NDC1: variants seen among roughly 807,000 people sequenced by gnomAD.
NDC1 encodes NDC1 transmembrane nucleoporin.
NDC1 carries 24 observed loss-of-function variants against 89.8 expected under a neutral mutation model. The observed-to-expected ratio is 0.27, with a 90% CI of 0.19 to 0.38. The LOEUF (loss-of-function observed/expected upper bound fraction) is 0.38. Ranked by LOEUF, NDC1 falls within the 10% of genes least tolerant of loss-of-function variation. NDC1 has a pLI of 1.00. For missense variants in NDC1, 728 were observed against 797.6 expected (o/e 0.91, Z 1.05); for synonymous variants, 296 against 284.8 (o/e 1.04, Z -0.39).
chr1:53,803,809 G>T (rs1648007905), intron 10 of NDC1, 119 bp downstream of exon 10: 2 of 714,666 alleles, frequency 2.8e-6, no homozygotes. Context: ...CTGACCTCAT[G>T]ATCCGCCTGC....
At chr1:53,781,540 G>A (rs1647207149) in intron 16 of NDC1, among the ~76,000 whole-genome samples, 1 of 152,096 alleles carries the variant, frequency 6.6e-6, no homozygotes. Flanking sequence ...AGGATGAAAG[G>A]CTCCCCTTCC....
At chr1:53,824,848 C>T (rs1310520983) in intron 5 of NDC1, among the ~76,000 whole-genome samples, 1 of 152,148 alleles carries the variant, frequency 6.6e-6, no homozygotes, top group African/African-American at 2.4e-5. Flanking sequence ...ATTACTTGCA[C>T]ATCCCCAAAC....
At chr1:53,785,479 G>A (rs1370121933) in intron 16 of NDC1, among the ~76,000 whole-genome samples, 1 of 152,194 alleles carries the variant, frequency 6.6e-6, no homozygotes, top group East Asian at 1.9e-4. Context: ...AGTGCTCAAA[G>A]CAAAAGAATC....
intron 14 of NDC1, among the ~76,000 whole-genome samples, chr1:53,789,452 T>C (rs905197495): frequency 6.6e-6 from 1 of 152,256 alleles, no homozygotes; most frequent in South Asian, 2.1e-4. Flanking sequence ...TAAAGTTACA[T>C]ATACTCAACC....
intron 14 of NDC1, among the ~76,000 whole-genome samples, chr1:53,791,609 C>G (rs1347679329): frequency 6.6e-6 from 1 of 152,086 alleles, no homozygotes; most frequent in Non-Finnish European, 1.5e-5. Flanking sequence ...TACTAAGTAC[C>G]ATACAACAAG....
intron 2 of NDC1, among the ~76,000 whole-genome samples, chr1:53,834,485 C>A (rs1649166293): frequency 2.0e-5 from 3 of 152,188 alleles, no homozygotes; most frequent in African/African-American, 4.8e-5. Flanking sequence ...GGTAAAGAGT[C>A]CAACTCCTTG....
chr1:53,835,599 C>A lies in NDC1; in HGVS notation c.79G>T (p.Ala27Ser). ...LWRVLGWRIVASIVWSVLFLP... is the reference protein window; with the variant it reads ...LWRVLGWRIVSSIVWSVLFLP... ...AATAGCACTGACCAAACAATACTTG[C>A]AACTATCCTCCAGCCCAAAACCTAT... is the stretch of plus-strand genomic sequence containing the variant. The change falls in exon 2 of 18, where the codon GCA becomes TCA. Residue 27 changes from alanine (A) to serine (S), a missense_variant. Physicochemically the swap from Ala to Ser is moderately conservative, Grantham distance 99. Coordinates refer to ENST00000371429, the MANE Select transcript of NDC1 (RefSeq NM_018087.5). 6.2e-7 allele frequency: 1 copy of A among 1,612,416 alleles called. No homozygotes were observed. Among genetic ancestry groups the A allele is most frequent in the Non-Finnish European group, 8.5e-7 (1 of 1,179,320 alleles).
rs1647060753 is a variant in NDC1 at position 53,765,799 on chromosome 1, C to T, written c.*2171G>A. ...AAGGCTTTTAAAGAACACTCTCTTT[C>T]AGGCCAATGTTACAGCATTAGTGGG... is the stretch of plus-strand genomic sequence containing the variant. On this transcript the variant is annotated 3_prime_UTR_variant, in exon 18 of 18. Coordinates refer to ENST00000371429, the MANE Select transcript of NDC1 (RefSeq NM_018087.5). 6.6e-6 allele frequency: 1 copy of T among 152,162 alleles called. No individual in the cohort carries two copies. Among genetic ancestry groups the T allele is most frequent in the South Asian group, 2.1e-4 (1 of 4,822 alleles). 9.4% of individuals were successfully genotyped at this position (152,162 alleles called of 1,614,324 possible). A position where few individuals can be genotyped will look rare whatever the true frequency, so the allele number is the denominator to read the frequency against.
chr1:53,806,475 C>A lies in NDC1; in HGVS notation c.934G>T (p.Asp312Tyr). The change falls in exon 9 of 18, where the codon GAT (aspartate) becomes TAT (tyrosine). Residue 312 changes from aspartate (D) to tyrosine (Y), a missense_variant. Asp to Tyr is a radical substitution (Grantham distance 160). Transcript: ENST00000371429. The part of the protein sequence containing the change: ...PVQPPFAEGS[D>Y]ECLPKVLNSN... ...TTTAACACTTTTGGAAGGCACTCAT[C>A]TGACCCTTCTGCAAATGGTGGTTGA... The A allele has an allele frequency of 6.5e-7, 1 of 1,530,594 alleles. No individual in the cohort carries two copies. Among genetic ancestry groups the A allele is most frequent in the Non-Finnish European group, 8.7e-7 (1 of 1,145,858 alleles). 94.8% of individuals were successfully genotyped at this position (1,530,594 alleles called of 1,614,324 possible). A position where few individuals can be genotyped will look rare whatever the true frequency, so the allele number is the denominator to read the frequency against.
intron 6 of NDC1, among the ~76,000 whole-genome samples, chr1:53,816,825 T>TA (rs1315176863): frequency 1.3e-5 from 2 of 151,942 alleles, no homozygotes; most frequent in Non-Finnish European, 2.9e-5. Context: ...AGACAATTCT[T>TA]AAAAGAAGAT....
chr1:53,788,573 C>T (rs1647385370), intron 15 of NDC1, among the ~76,000 whole-genome samples: 1 of 151,938 alleles, frequency 6.6e-6, no homozygotes, highest in African/African-American at 2.4e-5. Context: ...GTTATAGGCA[C>T]ATGCCAGCAT....
chr1:53,820,074 G>A (rs2100680740), intron 5 of NDC1, among the ~76,000 whole-genome samples: 1 of 152,202 alleles, frequency 6.6e-6, no homozygotes, highest in Non-Finnish European at 1.5e-5. Context: ...GACCAATGTG[G>A]TGAAACCCCG....
intron 16 of NDC1, among the ~76,000 whole-genome samples, chr1:53,775,879 T>C (rs1647158620): frequency 6.6e-6 from 1 of 152,162 alleles, no homozygotes; most frequent in African/African-American, 2.4e-5. Context: ...CTTAAAAACA[T>C]ATTGTTCTGT....
chr1:53,765,548 C>T lies in NDC1; in HGVS notation c.*2422G>A, dbSNP rs943442587. Reference sequence around the variant, plus strand: ...CGATATACAAAAGGATATAAACAGACTATCATGAATATTTACAGGATGACA... The same window carrying T: ...CGATATACAAAAGGATATAAACAGATTATCATGAATATTTACAGGATGACA... On this transcript the variant is annotated 3_prime_UTR_variant, in exon 18 of 18. Coordinates refer to ENST00000371429, the MANE Select transcript of NDC1 (RefSeq NM_018087.5). The T allele has an allele frequency of 2.0e-5, 3 of 152,032 alleles. No individual in the cohort carries two copies. The highest frequency in any genetic ancestry group is 4.4e-5 in the Non-Finnish European group (3 of 68,038). The allele number at this position is 152,032 out of a possible 1,614,324, so 9.4% of individuals were successfully genotyped here. A position where few individuals can be genotyped will look rare whatever the true frequency, so the allele number is the denominator to read the frequency against.
intron 1 of NDC1, among the ~76,000 whole-genome samples, chr1:53,836,325 A>G (rs1649230392): frequency 6.6e-6 from 1 of 151,888 alleles, no homozygotes; most frequent in Non-Finnish European, 1.5e-5. Context: ...GGGTGGGCGG[A>G]TCACTTGAGG....
intron 5 of NDC1, among the ~76,000 whole-genome samples, chr1:53,825,006 T>C (rs774801381): frequency 1.3e-4 from 20 of 151,520 alleles, no homozygotes; most frequent in Non-Finnish European, 2.9e-4. Context: ...AAACCCCATC[T>C]CTACAAAAAA....
intron 17 of NDC1, 62 bp downstream of exon 17, chr1:53,772,267 C>T (rs1377079060): frequency 2.7e-6 from 4 of 1,457,764 alleles, no homozygotes; most frequent in Admixed American, 1.7e-5. Flanking sequence ...CATTCCCATA[C>T]CTATTTCTAA....
rs190616443 is a variant in NDC1 at position 53,814,755 on chromosome 1, A to G, written c.703+4216T>C. ...AGAAAATCCAAATAACCTCACTAAG[A>G]AACAAAACAGGAGATATTACAACTG... On this transcript the variant is annotated intron_variant, in intron 6 of 17. Coordinates refer to ENST00000371429, the MANE Select transcript of NDC1 (RefSeq NM_018087.5). Among the ~76,000 whole-genome samples the G allele has an allele frequency of 4.4e-3, 665 of 152,362 alleles. 2 individuals are homozygous for G. Among genetic ancestry groups the G allele is most frequent in the African/African-American group, 0.015 (636 of 41,584 alleles).
Position 53,775,058 on chromosome 1 carries a change from G to C in NDC1, c.1801-2569C>G, listed in dbSNP as rs555986784. Among the ~76,000 whole-genome samples, 252 of 152,144 alleles carry C rather than the reference G, an allele frequency of 1.7e-3. 1 individual carries two copies. The highest frequency in any genetic ancestry group is 2.1e-3 in the Non-Finnish European group (141 of 68,008). ...TCACCAGCTATTATGCATAAATCTG[G>C]AATATATCCATCTTGTAAATACTAA... On this transcript the variant is annotated intron_variant, in intron 16 of 17. Coordinates refer to ENST00000371429, the MANE Select transcript of NDC1 (RefSeq NM_018087.5).
Sources: allele counts gnomAD v4.1 joint callset (sites outside exome capture counted in the v4.1 genomes callset), GRCh38; gene constraint gnomAD v4.1.1; transcripts MANE v1.5; gene names NCBI Gene and HGNC (gene_info 2026-07-23, HGNC 2026-07-21).